ZFAND5: variants seen among roughly 807,000 people sequenced by gnomAD.
ZFAND5 encodes AN1-type zinc finger protein 5.
In ZFAND5, 4 loss-of-function variants were observed where a neutral mutation model predicts 23.6. The observed-to-expected ratio is 0.17, with a 90% CI of 0.08 to 0.39. The LOEUF is 0.39. Among genes scored for constraint, ZFAND5 ranks in the 10% least tolerant of loss-of-function variants. The pLI is 1.00. For synonymous variants in ZFAND5, 68 were observed against 80.6 expected, an observed-to-expected ratio of 0.84 and a Z score of 0.84; for missense variants, 161 against 253.7, an observed-to-expected ratio of 0.63 and a Z score of 2.48.
Position 72,359,451 on chromosome 9 carries a change from T to C in ZFAND5, c.334A>G (p.Ile112Val), listed in dbSNP as rs1314307597. 5 of 1,613,558 alleles carry C rather than the reference T, an allele frequency of 3.1e-6. No individual in the cohort carries two copies. The highest frequency in any genetic ancestry group is 4.5e-5 in the East Asian group (2 of 44,870). ...TEMSISREDK[I>V]TTPKTEVSEP... ...GACACCTCTGTTTTCGGGGTAGTTA[T>C]TTTGTCCTCTCTTGAAATGCTCATT... is the stretch of plus-strand genomic sequence containing the variant. The change falls in exon 5 of 7, where the codon ATA (isoleucine) becomes GTA (valine). Residue 112 changes from isoleucine (I) to valine (V), a missense_variant. Ile to Val is a conservative substitution (Grantham distance 29). Coordinates refer to ENST00000376962, the MANE Select transcript of ZFAND5 (RefSeq NM_001102420.3).
intron 5 of ZFAND5, among the ~76,000 whole-genome samples, chr9:72,357,499 GA>G (rs961668162): frequency 3.0e-4 from 45 of 151,478 alleles, no homozygotes; most frequent in Non-Finnish European, 4.4e-4. Context: ...ATGCTTATAG[GA>G]AAAAAAATCC....
rs149601955 is a variant in ZFAND5 at position 72,357,071 on chromosome 9, A to C, written c.368-15T>G. Reference sequence around the variant, plus strand: ...CTGAGTGACAACTGAAAAGGACAAAAACACAAATTTGTCAAGCATTCACTG... The same window carrying C: ...CTGAGTGACAACTGAAAAGGACAAACACACAAATTTGTCAAGCATTCACTG... On this transcript the variant is annotated splice_polypyrimidine_tract_variant and intron_variant, in intron 5 of 6. Transcript: ENST00000376962. The C allele has an allele frequency of 6.2e-7, 1 of 1,607,026 alleles. No individual in the cohort carries two copies. The highest frequency in any genetic ancestry group is 1.1e-5 in the South Asian group (1 of 89,666).
At chr9:72,358,058 GC>G (rs1841994071) in intron 5 of ZFAND5, among the ~76,000 whole-genome samples, 1 of 151,980 alleles carries the variant, frequency 6.6e-6, no homozygotes, top group South Asian at 2.1e-4. Flanking sequence ...TGAAATTACT[GC>G]CCAAATATGC....
chr9:72,361,483 A>G (rs928617841), intron 2 of ZFAND5, among the ~76,000 whole-genome samples: 1 of 152,242 alleles, frequency 6.6e-6, no homozygotes, highest in Non-Finnish European at 1.5e-5. Flanking sequence ...AGGAACCTGC[A>G]ATACACAAAT....
chr9:72,355,821 T>C lies in ZFAND5; in HGVS notation c.*132A>G, dbSNP rs1297790001. The C allele has an allele frequency of 1.2e-6, 1 of 852,356 alleles. No homozygotes were observed. The highest frequency in any genetic ancestry group is 1.7e-5 in the African/African-American group (1 of 57,964). The allele number at this position is 852,356 out of a possible 1,614,324, so 52.8% of individuals were successfully genotyped here. On this transcript the variant is annotated 3_prime_UTR_variant, in exon 7 of 7. Coordinates refer to ENST00000376962, the MANE Select transcript of ZFAND5 (RefSeq NM_001102420.3). ...ACACCCAAACATCCTAAAATATCAATTATAAGACAGACAAGTGTAATGTAA... is the reference window on the plus strand; with the variant it reads ...ACACCCAAACATCCTAAAATATCAACTATAAGACAGACAAGTGTAATGTAA...
Position 72,355,732 on chromosome 9 carries a change from AT to A in ZFAND5, c.*220del. On this transcript the variant is annotated 3_prime_UTR_variant, in exon 7 of 7. Coordinates refer to ENST00000376962, the MANE Select transcript of ZFAND5 (RefSeq NM_001102420.3). ...ACTTTGCTGTGCAGATTTTCATCCAATTTTTTTCAGGGGAGGGCATATACAT... is the reference window on the plus strand; with the variant it reads ...ACTTTGCTGTGCAGATTTTCATCCAATTTTTTCAGGGGAGGGCATATACAT... 8.2e-6 allele frequency: 3 copies of A among 364,150 alleles called. No homozygotes were observed. The highest frequency in any genetic ancestry group is 4.9e-6 in the Non-Finnish European group (1 of 204,940). 22.6% of individuals were successfully genotyped at this position (364,150 alleles called of 1,614,324 possible).
chr9:72,359,262 T>TCTC (rs1842029663), intron 5 of ZFAND5, among the ~76,000 whole-genome samples, 156 bp downstream of exon 5: 1 of 158 alleles, frequency 6.3e-3, no homozygotes, highest in East Asian at 0.5. Flanking sequence ...ATACTCATAC[T>TCTC]CAAGATACTT....
intron 5 of ZFAND5, among the ~76,000 whole-genome samples, chr9:72,357,860 A>G (rs2131976322): frequency 6.6e-6 from 1 of 152,274 alleles, no homozygotes; most frequent in Non-Finnish European, 1.5e-5. Flanking sequence ...ACATGGCATC[A>G]ATAAAATTTC....
In ZFAND5 at chr9:72,352,814, G is replaced by T. The variant is rs1271376540; in HGVS notation, c.*3139C>A. 1 of 152,216 alleles carries T rather than the reference G, an allele frequency of 6.6e-6. No individual in the cohort carries two copies. Among genetic ancestry groups the T allele is most frequent in the Non-Finnish European group, 1.5e-5 (1 of 68,040 alleles). The allele number at this position is 152,216 out of a possible 1,614,324, so 9.4% of individuals were successfully genotyped here. On this transcript the variant is annotated 3_prime_UTR_variant, in exon 7 of 7. Transcript: ENST00000376962. ...CAATGTGCCAGGCACAGTTTTAAGT[G>T]TTGTCACCTTCACACTCCTGAAGGT...
chr9:72,364,301 T>C, intron 1 of ZFAND5: 1 of 721,878 alleles, frequency 1.4e-6, no homozygotes, highest in Non-Finnish European at 1.8e-6. Flanking sequence ...CGGCTCCTCT[T>C]AGGGGAGAGC....
At chr9:72,363,291 T>C (rs1842156624) in intron 2 of ZFAND5, among the ~76,000 whole-genome samples, 179 bp downstream of exon 2, 1 of 152,214 alleles carries the variant, frequency 6.6e-6, no homozygotes. Flanking sequence ...CTATCAGGTA[T>C]AGCTAGAATG....
intron 6 of ZFAND5, among the ~76,000 whole-genome samples, 168 bp from the exon 7 acceptor site, chr9:72,356,269 A>T (rs1472712576): frequency 6.6e-6 from 1 of 152,244 alleles, no homozygotes; most frequent in South Asian, 2.1e-4. Context: ...ACTCTTACAG[A>T]GTCTATCACG....
chr9:72,356,201 T>C, intron 6 of ZFAND5, 100 bp from the exon 7 acceptor site: 1 of 1,433,538 alleles, frequency 7.0e-7, no homozygotes, highest in Non-Finnish European at 9.4e-7. Flanking sequence ...TTCATTGCTT[T>C]GTAACATAAA....
chr9:72,362,677 A>G (rs1425256548), intron 2 of ZFAND5, among the ~76,000 whole-genome samples: 4 of 152,246 alleles, frequency 2.6e-5, no homozygotes, highest in African/African-American at 9.6e-5. Flanking sequence ...CGAGACACAC[A>G]AGAGGTACCA....
chr9:72,362,050 T>TC (rs754663765), intron 2 of ZFAND5, among the ~76,000 whole-genome samples: 15 of 152,278 alleles, frequency 9.9e-5, no homozygotes, highest in Admixed American at 2.6e-4. Context: ...TGGTAATTAT[T>TC]CCCCAAAACA....
intron 4 of ZFAND5, 46 bp from the exon 5 acceptor site, chr9:72,359,567 T>C (rs1237003603): frequency 6.5e-7 from 1 of 1,532,224 alleles, no homozygotes; most frequent in South Asian, 1.2e-5. Context: ...TAAGGGTACT[T>C]CTTGAGACAA....
intron 5 of ZFAND5, among the ~76,000 whole-genome samples, chr9:72,358,250 CATT>C (rs1036263463): frequency 5.3e-5 from 8 of 152,166 alleles, no homozygotes; most frequent in African/African-American, 1.9e-4. Context: ...ACTGTGACAA[CATT>C]AATGTTTATC....
At position 72,364,173 on chromosome 9, in the gene ZFAND5, C is replaced by G. The variant is rs144119585; in HGVS notation, c.-147+523G>C. ...AAGCAAAGGCCTCACTCAATAAAGC[C>G]CAACAGGGCCCTCTCCGAAAACCAC... On this transcript the variant is annotated intron_variant, in intron 1 of 6. Transcript: ENST00000376962. The G allele has an allele frequency of 2.7e-3, 549 of 202,448 alleles. 6 individuals are homozygous for G. Among genetic ancestry groups the G allele is most frequent in the African/African-American group, 0.013 (529 of 41,772 alleles). 12.5% of individuals were successfully genotyped at this position (202,448 alleles called of 1,614,324 possible).
chr9:72,353,667 C>CTA lies in ZFAND5; in HGVS notation c.*2285_*2286insTA, dbSNP rs1157803801. 1.3e-5 allele frequency: 2 copies of CTA among 152,300 alleles called. No homozygotes were observed. Among genetic ancestry groups the CTA allele is most frequent in the African/African-American group, 4.8e-5 (2 of 41,538 alleles). The allele number at this position is 152,300 out of a possible 1,614,324, so 9.4% of individuals were successfully genotyped here. A position where few individuals can be genotyped will look rare whatever the true frequency, so the allele number is the denominator to read the frequency against. Reference sequence around the variant, plus strand: ...GCAGCCTGGCCAAACAAAAATCTATCTCTTGCTACTACTCAGACCTTCAGA... The same window carrying CTA: ...GCAGCCTGGCCAAACAAAAATCTATCTATCTTGCTACTACTCAGACCTTCAGA... On this transcript the variant is annotated 3_prime_UTR_variant, in exon 7 of 7. Coordinates refer to ENST00000376962, the MANE Select transcript of ZFAND5 (RefSeq NM_001102420.3).
Sources: gnomAD v4.1 joint callset for allele counts (sites outside exome capture counted in the v4.1 genomes callset) on GRCh38, gnomAD v4.1.1 for gene constraint, MANE v1.5 for transcripts, NCBI Gene and HGNC (gene_info 2026-07-23, HGNC 2026-07-21) for gene names.